The following OTUD5 variants were observed in gnomAD, a reference collection of about 807,000 sequenced individuals.
OTUD5 encodes OTU domain-containing protein 5.
In OTUD5, 2 loss-of-function variants were observed where a neutral mutation model predicts 36.3. The observed-to-expected ratio is 0.06, with a 90% CI of 0.02 to 0.17. The LOEUF (loss-of-function observed/expected upper bound fraction) is 0.17. OTUD5 is among the 10% of genes least tolerant of loss of function. The pLI is 1.00. For synonymous variants in OTUD5, 234 were observed against 214.9 expected (o/e 1.09, Z -0.78); for missense variants, 233 against 512.3 (o/e 0.45, Z 5.26).
Position 48,942,200 on chromosome X carries a change from TC to T in OTUD5, c.688+1989del, listed in dbSNP as rs201268671. On this transcript the variant is annotated intron_variant, in intron 2 of 8. Coordinates refer to ENST00000376488, the MANE Select transcript of OTUD5 (RefSeq NM_001136157.2). ...GGTCCTCACTAGCTAGCCCCAAGGG[TC>T]GGGGGTATTTGGGGAGAACAGCTAG... Among the ~76,000 whole-genome samples, 667 of 93,729 alleles carry T rather than the reference TC, an allele frequency of 7.1e-3. 2 individuals are homozygous for T. The highest frequency in any genetic ancestry group is 0.01 in the Non-Finnish European group (492 of 47,727). 81.4% of individuals were successfully genotyped at this position (93,729 alleles called of 115,157 possible).
intron 1 of OTUD5, among the ~76,000 whole-genome samples, chrX:48,949,073 T>C (rs2064084276): frequency 9.0e-6 from 1 of 111,490 alleles, no homozygotes; most frequent in Non-Finnish European, 1.9e-5. Context: ...ATACCAAGCC[T>C]CCCAATAATA....
intron 5 of OTUD5, among the ~76,000 whole-genome samples, chrX:48,927,703 A>T (rs1203546682): frequency 1.8e-5 from 2 of 111,418 alleles, no homozygotes; most frequent in Non-Finnish European, 3.8e-5. Context: ...TCCTTTTGGG[A>T]TTCTTTGGAA....
intron 5 of OTUD5, among the ~76,000 whole-genome samples, chrX:48,926,512 G>A (rs1033604563): frequency 3.6e-5 from 4 of 110,527 alleles, no homozygotes; most frequent in African/African-American, 1.3e-4. Flanking sequence ...CACCACCCCC[G>A]GCTAACTTTT....
At position 48,922,331 on chromosome X, in the gene OTUD5, C is replaced by T. The variant is rs782055153; in HGVS notation, c.*843G>A. ...TCCCACACTCCCTACACTCAAATCC[C>T]GGGTGGCAGCCATAATCCCCAAAGA... On this transcript the variant is annotated 3_prime_UTR_variant, in exon 9 of 9. Coordinates refer to ENST00000376488, the MANE Select transcript of OTUD5 (RefSeq NM_001136157.2). 2.3e-5 allele frequency: 3 copies of T among 131,348 alleles called. No homozygotes were observed. Among genetic ancestry groups the T allele is most frequent in the South Asian group, 6.5e-4 (2 of 3,056 alleles). The allele number at this position is 131,348 out of a possible 1,213,427, so 10.8% of individuals were successfully genotyped here.
upstream of OTUD5, chrX:48,958,292 A>G (rs1400126001): frequency 8.9e-6 from 1 of 112,043 alleles, no homozygotes; most frequent in Non-Finnish European, 1.9e-5. Context: ...CAGGAAAAAC[A>G]CCTCCCCTCC....
intron 8 of OTUD5, 54 bp downstream of exon 8, chrX:48,923,579 C>G: frequency 1.1e-6 from 1 of 909,602 alleles, no homozygotes; most frequent in Admixed American, 2.6e-5. Flanking sequence ...GCCACTTCTT[C>G]CAGTCTCTCC....
chrX:48,926,919 A>G (rs2063676040), intron 5 of OTUD5, among the ~76,000 whole-genome samples: 1 of 111,677 alleles, frequency 9.0e-6, no homozygotes, highest in Admixed American at 9.6e-5. Context: ...AGCATTTTTA[A>G]AAAATAGAAA....
chrX:48,949,032 T>A (rs2064083501), intron 1 of OTUD5, among the ~76,000 whole-genome samples: 1 of 111,620 alleles, frequency 9.0e-6, no homozygotes, highest in South Asian at 3.7e-4. Flanking sequence ...TGAACTGCTC[T>A]GAGCCACAGT....
chrX:48,929,688 C>A (rs1185587507), intron 5 of OTUD5, among the ~76,000 whole-genome samples: 1 of 110,107 alleles, frequency 9.1e-6, no homozygotes, highest in Non-Finnish European at 1.9e-5. Context: ...CGCACCACTG[C>A]ACTCCAGCCT....
chrX:48,932,344 A>G (rs913212923), intron 5 of OTUD5, among the ~76,000 whole-genome samples: 63 of 109,969 alleles, frequency 5.7e-4, no homozygotes, highest in African/African-American at 2.1e-3. Flanking sequence ...TTTTTCTTTC[A>G]GACAGAGTCT....
At chrX:48,941,029 C>T (rs1235376355) in intron 2 of OTUD5, among the ~76,000 whole-genome samples, 1 of 111,367 alleles carries the variant, frequency 9.0e-6, no homozygotes, top group Non-Finnish European at 1.9e-5. Context: ...CAGAGGGCCA[C>T]GTGCTCCTAC....
At chrX:48,943,725 T>C (rs1275306881) in intron 2 of OTUD5, among the ~76,000 whole-genome samples, 1 of 111,421 alleles carries the variant, frequency 9.0e-6, no homozygotes, top group African/African-American at 3.3e-5. Context: ...CTAGGGGTCA[T>C]ACAGCCCAGG....
At chrX:48,930,918 C>T (rs2063742188) in intron 5 of OTUD5, among the ~76,000 whole-genome samples, 1 of 107,836 alleles carries the variant, frequency 9.3e-6, no homozygotes, top group African/African-American at 3.4e-5. Context: ...GCTGAGATGG[C>T]GCCCTTACAC....
At chrX:48,932,639 T>G (rs2063772615) in intron 5 of OTUD5, among the ~76,000 whole-genome samples, 1 of 111,203 alleles carries the variant, frequency 9.0e-6, no homozygotes, top group South Asian at 3.8e-4. Context: ...AACATTCATA[T>G]TTTTGAAGAA....
At chrX:48,925,725 G>T (rs2063656384) in intron 6 of OTUD5, 122 bp downstream of exon 6, 3 of 535,671 alleles carry the variant, frequency 5.6e-6, no homozygotes, top group Non-Finnish European at 9.4e-6. Context: ...GTTACAGATG[G>T]TGCTGGATGC....
chrX:48,945,961 A>G (rs782478298), intron 1 of OTUD5, among the ~76,000 whole-genome samples: 1 of 111,360 alleles, frequency 9.0e-6, no homozygotes. Flanking sequence ...GGCTACCAGA[A>G]GCAGCCAGCC....
At chrX:48,945,102 C>G (rs1348871963) in intron 1 of OTUD5, among the ~76,000 whole-genome samples, 2 of 109,479 alleles carry the variant, frequency 1.8e-5, no homozygotes, top group Non-Finnish European at 3.8e-5. Context: ...ACACATTTAA[C>G]AGATATCTAC....
At chrX:48,954,674 G>A (rs1328459165) in intron 1 of OTUD5, among the ~76,000 whole-genome samples, 4 of 111,991 alleles carry the variant, frequency 3.6e-5, no homozygotes, top group Non-Finnish European at 7.5e-5. Context: ...AGGAATGTGG[G>A]AGGAGAATTT....
intron 2 of OTUD5, among the ~76,000 whole-genome samples, chrX:48,939,631 C>T (rs781846252): frequency 9.8e-5 from 11 of 112,009 alleles, no homozygotes; most frequent in African/African-American, 3.6e-4. Flanking sequence ...TGAGGGACCC[C>T]CTACCCCACC....
Sources: allele counts gnomAD v4.1 joint callset (sites outside exome capture counted in the v4.1 genomes callset), GRCh38; gene constraint gnomAD v4.1.1; transcripts MANE v1.5; gene names NCBI Gene and HGNC (gene_info 2026-07-23, HGNC 2026-07-21).